SYCP3: variants seen among roughly 807,000 people sequenced by gnomAD.
The protein encoded by SYCP3 is synaptonemal complex protein 3.
Under a neutral mutation model 38.5 loss-of-function variants are expected in SYCP3, and 29 were observed. The ratio of observed to expected loss-of-function variants is 0.75; its 90% CI spans 0.56 to 1.03. The LOEUF is 1.03. Ranked by LOEUF, SYCP3 falls within the 50% of genes least tolerant of loss-of-function variation. The probability of loss-of-function intolerance (pLI) is 0.00; values close to 1 mark genes in which losing one functional copy is unlikely to be tolerated. For synonymous variants in SYCP3, 79 were observed against 80.3 expected, an observed-to-expected ratio of 0.98 and a Z score of 0.08; for missense variants, 242 against 270.7, an observed-to-expected ratio of 0.89 and a Z score of 0.74.
At chr12:101,730,491 ATTTTT>A (rs201662453) in intron 7 of SYCP3, 550 of 327,674 alleles carry the variant, frequency 1.7e-3, no homozygotes, top group Middle Eastern at 3.3e-3. Context: ...TGTGTGTATA[ATTTTT>A]TTTTTTTTTT....
In SYCP3 at chr12:101,735,195, A is replaced by C. The variant is rs73392433; in HGVS notation, c.236-151T>G. The stretch of plus-strand genomic sequence containing the variant: ...AAATAGGCATAATTTCAAAATGCAG[A>C]ATTGTTTGCTTACTTTTTTTTTCTG... On this transcript the variant is annotated intron_variant, in intron 4 of 8. Coordinates refer to ENST00000392924, the MANE Select transcript of SYCP3 (RefSeq NM_001177949.2). The C allele has an allele frequency of 4.5e-4, 270 of 598,062 alleles. 1 individual carries two copies. Among genetic ancestry groups the C allele is most frequent in the African/African-American group, 4.0e-3 (213 of 53,496 alleles). 37.0% of individuals were successfully genotyped at this position (598,062 alleles called of 1,614,324 possible). A position where few individuals can be genotyped will look rare whatever the true frequency, so the allele number is the denominator to read the frequency against.
chr12:101,734,497 A>G (rs1206745235), intron 5 of SYCP3, among the ~76,000 whole-genome samples: 3 of 152,242 alleles, frequency 2.0e-5, no homozygotes, highest in Non-Finnish European at 2.9e-5. Flanking sequence ...TGTCAATTCT[A>G]TGAAGGAGTG....
chr12:101,733,547 T>C, intron 6 of SYCP3, 28 bp downstream of exon 6: 6 of 1,593,922 alleles, frequency 3.8e-6, no homozygotes, highest in Non-Finnish European at 5.2e-6. Context: ...GAGACTTGGT[T>C]GATTATAAAC....
chr12:101,729,356 A>G, intron 7 of SYCP3, 143 bp from the exon 8 acceptor site: 1 of 814,318 alleles, frequency 1.2e-6, no homozygotes, highest in Non-Finnish European at 1.9e-6. Flanking sequence ...TAAGTAATAC[A>G]TGAATACCAA....
chr12:101,735,871 A>ATATATATATATATATTTT, intron 4 of SYCP3, among the ~76,000 whole-genome samples: 16 of 74,750 alleles, frequency 2.1e-4, no homozygotes, highest in African/African-American at 1.0e-3. Flanking sequence ...ATATATATAT[A>ATATATATATATATATTTT]TTTTTTTTTT....
chr12:101,739,304 C>T, intron 1 of SYCP3, 47 bp downstream of exon 1: 1 of 1,002,686 alleles, frequency 1.0e-6, no homozygotes, highest in Non-Finnish European at 1.2e-6. Flanking sequence ...CAAGGGCAGC[C>T]TCTGGCCTGG....
At position 101,737,275 on chromosome 12, in the gene SYCP3, G is replaced by A. The variant is rs754706600; in HGVS notation, c.157C>T (p.Arg53Cys). 9.4e-6 allele frequency: 15 copies of A among 1,603,324 alleles called. No homozygotes were observed. Among genetic ancestry groups the A allele is most frequent in the South Asian group, 5.5e-5 (5 of 90,842 alleles). The change falls in exon 3 of 9, where the codon CGT becomes TGT. Residue 53 changes from arginine (R) to cysteine (C), a missense_variant. Coordinates refer to ENST00000392924, the MANE Select transcript of SYCP3 (RefSeq NM_001177949.2). ...CCTGCAGAAGACCTTTTCTTCCTACGTTTCTCAATGACTGCAGTCTTCCCT... is the reference window on the plus strand; with the variant it reads ...CCTGCAGAAGACCTTTTCTTCCTACATTTCTCAATGACTGCAGTCTTCCCT... ...IEGKTAVIEKRRKKRSSAGVV... is the reference protein window; with the variant it reads ...IEGKTAVIEKCRKKRSSAGVV...
chr12:101,737,776 C>T (rs1360099987), intron 2 of SYCP3, 27 bp downstream of exon 2: 3 of 1,614,038 alleles, frequency 1.9e-6, no homozygotes, highest in Non-Finnish European at 2.5e-6. Flanking sequence ...TGAAGGACAT[C>T]ACTGCCCAAC....
intron 4 of SYCP3, among the ~76,000 whole-genome samples, chr12:101,735,851 T>TATATATATATATA (rs1555265599): frequency 2.1e-5 from 2 of 96,084 alleles, no homozygotes; most frequent in African/African-American, 9.2e-5. Flanking sequence ...ATAATCAATT[T>TATATATATATATA]TATATATATA....
chr12:101,736,708 ATGTGTG>A (rs34377603), intron 4 of SYCP3, among the ~76,000 whole-genome samples: 52,815 of 149,020 alleles, frequency 0.35, 9,514 homozygotes, highest in African/African-American at 0.47. Context: ...ATGTATGTAT[ATGTGTG>A]TGTGTGTGTG....
rs1952622560 is a variant in SYCP3 at position 101,739,425 on chromosome 12, C to T, written c.-92G>A. 2.0e-6 allele frequency: 2 copies of T among 1,002,782 alleles called. No homozygotes were observed. The highest frequency in any genetic ancestry group is 2.4e-6 in the Non-Finnish European group (2 of 830,372). The allele number at this position is 1,002,782 out of a possible 1,614,324, so 62.1% of individuals were successfully genotyped here. The stretch of plus-strand genomic sequence containing the variant: ...GTCCTCCACAACTCCTCCACAAGCG[C>T]GCTTCACCTGAGGTGGCCCCTTCTC... On this transcript the variant is annotated 5_prime_UTR_variant, in exon 1 of 9. Coordinates refer to ENST00000392924, the MANE Select transcript of SYCP3 (RefSeq NM_001177949.2).
Position 101,734,916 on chromosome 12 carries a change from A to G in SYCP3, c.353+11T>C, listed in dbSNP as rs758616589. 1.3e-6 allele frequency: 2 copies of G among 1,572,028 alleles called. No individual in the cohort carries two copies. The highest frequency in any genetic ancestry group is 1.3e-5 in the African/African-American group (1 of 74,164). ...AGAAATGTGGCTCTAAAAAAAAAGC[A>G]ACCACCTTACCTTTGATCTTGTTGT... On this transcript the variant is annotated intron_variant, in intron 5 of 8. Transcript: ENST00000392924.
chr12:101,737,634 AAC>A, intron 2 of SYCP3, 167 bp downstream of exon 2: 1 of 885,680 alleles, frequency 1.1e-6, no homozygotes, highest in Non-Finnish European at 1.8e-6. Flanking sequence ...TCAAATGAGA[AAC>A]ACAAGTACAG....
chr12:101,737,678 A>G (rs1211457572), intron 2 of SYCP3, 125 bp downstream of exon 2: 4 of 1,382,994 alleles, frequency 2.9e-6, no homozygotes, highest in Non-Finnish European at 4.1e-6. Flanking sequence ...TTCTGTAACC[A>G]CAAATACCGG....
chr12:101,736,026 A>AT (rs1325691028), intron 4 of SYCP3, among the ~76,000 whole-genome samples: 3 of 93,354 alleles, frequency 3.2e-5, no homozygotes, highest in South Asian at 3.6e-4. Context: ...TTTTAAATAC[A>AT]TTTTTTACTA....
chr12:101,728,917 C>CAA lies in SYCP3; in HGVS notation c.*8_*9dup, dbSNP rs1307648036. 7 of 1,613,306 alleles carry CAA rather than the reference C, an allele frequency of 4.3e-6. No homozygotes were observed. The highest frequency in any genetic ancestry group is 5.9e-6 in the Non-Finnish European group (7 of 1,179,666). ...ATTACTTAGGTTCAAGTTCTTTCTT[C>CAA]AAAGAGTCATCAGAATAACATGGAT... On this transcript the variant is annotated 3_prime_UTR_variant, in exon 9 of 9. Coordinates refer to ENST00000392924, the MANE Select transcript of SYCP3 (RefSeq NM_001177949.2).
intron 7 of SYCP3, chr12:101,729,663 C>CA (rs1952096560): frequency 6.3e-6 from 1 of 158,620 alleles, no homozygotes; most frequent in Non-Finnish European, 1.4e-5. Flanking sequence ...ATTCATTCAA[C>CA]AAACAGTTAA....
intron 1 of SYCP3, 186 bp downstream of exon 1, chr12:101,739,165 G>GGCCCCCC: frequency 2.7e-6 from 2 of 747,084 alleles, no homozygotes; most frequent in Non-Finnish European, 3.3e-6. Flanking sequence ...ATGGGGCCCA[G>GGCCCCCC]CCCCAGCCCA....
rs1952623216 is a variant in SYCP3 at position 101,739,435 on chromosome 12, G to A, written c.-102C>T. Reference sequence around the variant, plus strand: ...ACTCCTCCACAAGCGCGCTTCACCTGAGGTGGCCCCTTCTCCGCGACGCTT... The same window carrying A: ...ACTCCTCCACAAGCGCGCTTCACCTAAGGTGGCCCCTTCTCCGCGACGCTT... On this transcript the variant is annotated 5_prime_UTR_variant, in exon 1 of 9. Transcript: ENST00000392924. The A allele has an allele frequency of 1.0e-6, 1 of 1,002,598 alleles. No individual in the cohort carries two copies. The highest frequency in any genetic ancestry group is 1.2e-6 in the Non-Finnish European group (1 of 830,340). 62.1% of individuals were successfully genotyped at this position (1,002,598 alleles called of 1,614,324 possible). A position where few individuals can be genotyped will look rare whatever the true frequency, so the allele number is the denominator to read the frequency against.
Sources: allele counts gnomAD v4.1 joint callset (sites outside exome capture counted in the v4.1 genomes callset), GRCh38; gene constraint gnomAD v4.1.1; transcripts MANE v1.5; gene names NCBI Gene and HGNC (gene_info 2026-07-23, HGNC 2026-07-21).